The following GABBR2 variants were observed in gnomAD, a reference collection of about 807,000 sequenced individuals.
GABBR2 encodes the protein G-protein coupled receptor 51.
A neutral mutation model predicts 105.6 loss-of-function variants in GABBR2; 23 were observed. That is an observed-to-expected ratio of 0.22 (90% confidence interval 0.16 to 0.31). GABBR2 has a LOEUF of 0.31. Ranked by LOEUF, GABBR2 falls within the 10% of genes least tolerant of loss-of-function variation. The pLI is 1.00. For missense variants in GABBR2, 734 were observed against 1,245.5 expected, an observed-to-expected ratio of 0.59 and a Z score of 6.18; for synonymous variants, 478 against 499.7, an observed-to-expected ratio of 0.96 and a Z score of 0.58.
intron 5 of GABBR2, among the ~76,000 whole-genome samples, chr9:98,477,691 A>T (rs1000128437): frequency 2.3e-4 from 35 of 151,884 alleles, no homozygotes; most frequent in African/African-American, 8.2e-4. Flanking sequence ...GACACAATTT[A>T]AAAAAAAATC....
intron 1 of GABBR2, among the ~76,000 whole-genome samples, chr9:98,634,995 C>G (rs922118528): frequency 6.6e-6 from 1 of 152,184 alleles, no homozygotes; most frequent in African/African-American, 2.4e-5. Context: ...AGCTTCCAGC[C>G]TAGCTTTGTT....
intron 3 of GABBR2, among the ~76,000 whole-genome samples, chr9:98,512,547 T>C (rs1418264824): frequency 6.6e-6 from 1 of 152,182 alleles, no homozygotes; most frequent in South Asian, 2.1e-4. Context: ...GATCAGCAAC[T>C]TCAGCAAAGT....
chr9:98,442,371 C>T (rs1341411578), intron 7 of GABBR2, among the ~76,000 whole-genome samples: 1 of 152,206 alleles, frequency 6.6e-6, no homozygotes, highest in Non-Finnish European at 1.5e-5. Flanking sequence ...CCTTCTCGGG[C>T]TAGATTCTTT....
At chr9:98,505,738 G>A (rs553331734) in intron 3 of GABBR2, among the ~76,000 whole-genome samples, 1 of 152,290 alleles carries the variant, frequency 6.6e-6, no homozygotes, top group African/African-American at 2.4e-5. Flanking sequence ...AGAGGGTGGA[G>A]TGATGCATCT....
intron 7 of GABBR2, among the ~76,000 whole-genome samples, chr9:98,447,010 C>A (rs73505004): frequency 1.3e-5 from 2 of 151,430 alleles, no homozygotes; most frequent in African/African-American, 2.4e-5. Flanking sequence ...ATGGAGTTCC[C>A]GGTGCCCTGT....
At chr9:98,654,443 A>G (rs1282778516) in intron 1 of GABBR2, among the ~76,000 whole-genome samples, 1 of 152,216 alleles carries the variant, frequency 6.6e-6, no homozygotes, top group African/African-American at 2.4e-5. Flanking sequence ...TATTTGCTGA[A>G]TGCTTTCTAT....
chr9:98,511,608 A>G (rs1827646346), intron 3 of GABBR2, among the ~76,000 whole-genome samples: 1 of 152,196 alleles, frequency 6.6e-6, no homozygotes, highest in African/African-American at 2.4e-5. Context: ...ACAAACTACC[A>G]TCAGAGAATA....
chr9:98,403,972 G>T (rs1031138978), intron 8 of GABBR2, among the ~76,000 whole-genome samples: 7 of 151,658 alleles, frequency 4.6e-5, no homozygotes, highest in Admixed American at 3.9e-4. Flanking sequence ...CCCACAAAGC[G>T]CAAGCTCTGA....
chr9:98,556,570 G>A (rs777743348), intron 2 of GABBR2, among the ~76,000 whole-genome samples: 11 of 152,104 alleles, frequency 7.2e-5, no homozygotes, highest in Non-Finnish European at 4.4e-5. Context: ...GCTGGGGCGG[G>A]GCTGGGGTTG....
At chr9:98,389,129 C>A in intron 9 of GABBR2, 125 bp from the exon 10 acceptor site, 1 of 755,052 alleles carries the variant, frequency 1.3e-6, no homozygotes, top group Non-Finnish European at 2.1e-6. Flanking sequence ...GCACATCTAT[C>A]TACCGGGTGA....
chr9:98,633,730 G>T lies in GABBR2; in HGVS notation c.322-55658C>A, dbSNP rs80110644. On this transcript the variant is annotated intron_variant, in intron 1 of 18. Coordinates refer to ENST00000259455, the MANE Select transcript of GABBR2 (RefSeq NM_005458.8). ...CAATGCAAGTCGGACCCCAACTGCA[G>T]GAGCCAGGGCGGGGAGGGACGTGGA... Among the ~76,000 whole-genome samples, 861 of 152,164 alleles carry T rather than the reference G, an allele frequency of 5.7e-3. 21 individuals are homozygous for T. The highest frequency in any genetic ancestry group is 0.056 in the East Asian group (289 of 5,170).
At chr9:98,421,860 G>A (rs1375089910) in intron 7 of GABBR2, among the ~76,000 whole-genome samples, 1 of 152,194 alleles carries the variant, frequency 6.6e-6, no homozygotes, top group Admixed American at 6.5e-5. Context: ...AGGTTTAAAT[G>A]AGAAAGGTAA....
At position 98,483,201 on chromosome 9, in the gene GABBR2, T is replaced by C. The variant is rs185825820; in HGVS notation, c.733-2204A>G. Among the ~76,000 whole-genome samples, 293 of 152,324 alleles carry C rather than the reference T, an allele frequency of 1.9e-3. 2 individuals carry two copies. The highest frequency in any genetic ancestry group is 6.4e-3 in the African/African-American group (268 of 41,576). On this transcript the variant is annotated intron_variant, in intron 4 of 18. Transcript: ENST00000259455. The stretch of plus-strand genomic sequence containing the variant: ...TTGGGAGTCATCTTAGACTCACTCC[T>C]CTTCTTCAACCCTCATCCAAGCCAT...
chr9:98,597,224 C>T (rs780368538), intron 1 of GABBR2, among the ~76,000 whole-genome samples: 10 of 152,064 alleles, frequency 6.6e-5, no homozygotes, highest in Non-Finnish European at 1.5e-4. Flanking sequence ...AAATAGATGG[C>T]AAAAAATGTG....
intron 6 of GABBR2, among the ~76,000 whole-genome samples, chr9:98,457,154 TTC>T (rs1489566448): frequency 2.0e-5 from 3 of 152,250 alleles, no homozygotes; most frequent in Non-Finnish European, 4.4e-5. Context: ...CCCCTTTGAC[TTC>T]TCTTTTGGAT....
chr9:98,455,120 T>A (rs557996851), intron 6 of GABBR2, among the ~76,000 whole-genome samples: 2 of 152,304 alleles, frequency 1.3e-5, no homozygotes, highest in East Asian at 3.9e-4. Context: ...CTACCTTCCA[T>A]AATATAACAG....
intron 1 of GABBR2, among the ~76,000 whole-genome samples, chr9:98,598,948 C>A (rs1250134753): frequency 6.6e-6 from 1 of 152,194 alleles, no homozygotes; most frequent in Non-Finnish European, 1.5e-5. Flanking sequence ...ACATAAATGG[C>A]TCCCCTGCCC....
intron 13 of GABBR2, among the ~76,000 whole-genome samples, chr9:98,321,404 C>G (rs1830820281): frequency 6.6e-6 from 1 of 152,200 alleles, no homozygotes; most frequent in South Asian, 2.1e-4. Context: ...GCCTGTACCC[C>G]ACCCTCAGCA....
At chr9:98,594,225 A>G (rs1411873702) in intron 1 of GABBR2, among the ~76,000 whole-genome samples, 1 of 152,120 alleles carries the variant, frequency 6.6e-6, no homozygotes, top group African/African-American at 2.4e-5. Flanking sequence ...GCTCCTCTAC[A>G]TCTGAAGCCC....
Sources: allele counts gnomAD v4.1 joint callset (sites outside exome capture counted in the v4.1 genomes callset), GRCh38; gene constraint gnomAD v4.1.1; transcripts MANE v1.5; gene names NCBI Gene and HGNC (gene_info 2026-07-23, HGNC 2026-07-21).